Variants in ADCY2 observed in about 807,000 individuals in gnomAD.
ADCY2 encodes the protein adenylate cyclase type 2.
ADCY2 carries 31 observed loss-of-function variants against 125.2 expected under a neutral mutation model. That is an observed-to-expected ratio of 0.25 (90% confidence interval 0.19 to 0.33). The LOEUF (loss-of-function observed/expected upper bound fraction) is 0.33, where lower values mean the gene tolerates loss of function less well. Ranked by LOEUF, ADCY2 falls within the 10% of genes least tolerant of loss-of-function variation. The pLI, the probability that ADCY2 is intolerant of heterozygous loss-of-function variation, is 1.00. For synonymous variants in ADCY2, 512 were observed against 548.4 expected (o/e 0.93, Z 0.93); for missense variants, 904 against 1,418.2 (o/e 0.64, Z 5.82).
intron 3 of ADCY2, among the ~76,000 whole-genome samples, chr5:7,563,370 A>T (rs560997719): frequency 6.6e-6 from 1 of 152,298 alleles, no homozygotes; most frequent in Non-Finnish European, 1.5e-5. Context: ...AAAGCTGCTG[A>T]TCATACCCTG....
intron 2 of ADCY2, among the ~76,000 whole-genome samples, chr5:7,443,562 C>T (rs1405803303): frequency 7.3e-6 from 1 of 136,212 alleles, no homozygotes; most frequent in Non-Finnish European, 1.5e-5. Flanking sequence ...ATGGCGTGAA[C>T]CCAGGAGGCA....
chr5:7,692,467 A>G (rs765656629), intron 5 of ADCY2, among the ~76,000 whole-genome samples: 6 of 152,238 alleles, frequency 3.9e-5, no homozygotes, highest in Admixed American at 1.3e-4. Flanking sequence ...ACATTTAAAG[A>G]AAGTTCACAC....
chr5:7,698,786 G>A (rs920124338), intron 7 of ADCY2, among the ~76,000 whole-genome samples: 6 of 152,246 alleles, frequency 3.9e-5, no homozygotes, highest in Non-Finnish European at 5.9e-5. Context: ...CCAGTCTATC[G>A]TTGGTGGACT....
At chr5:7,761,147 TC>T (rs1481363015) in intron 16 of ADCY2, among the ~76,000 whole-genome samples, 315 of 56,662 alleles carry the variant, frequency 5.6e-3, no homozygotes, top group Non-Finnish European at 9.0e-3. Flanking sequence ...TCTTTTCTTT[TC>T]TTTTTTTTTT....
chr5:7,611,712 G>T (rs763753724), intron 3 of ADCY2, among the ~76,000 whole-genome samples: 1 of 152,102 alleles, frequency 6.6e-6, no homozygotes, highest in Admixed American at 6.5e-5. Context: ...AGGGTTGGGG[G>T]TTTATCTCTT....
At chr5:7,627,554 G>C (rs1057468114) in intron 4 of ADCY2, among the ~76,000 whole-genome samples, 15 of 152,176 alleles carry the variant, frequency 9.9e-5, no homozygotes, top group African/African-American at 3.4e-4. Context: ...CCCCCTCCCT[G>C]TGGGCCTTCA....
intron 2 of ADCY2, among the ~76,000 whole-genome samples, chr5:7,483,484 A>T (rs1742812282): frequency 6.6e-6 from 1 of 152,228 alleles, no homozygotes; most frequent in Admixed American, 6.5e-5. Context: ...CAGAGTACTG[A>T]AAACATTTCA....
At chr5:7,397,473 T>TC (rs1313482396) in intron 1 of ADCY2, among the ~76,000 whole-genome samples, 252 of 148,084 alleles carry the variant, frequency 1.7e-3, no homozygotes, top group Non-Finnish European at 3.1e-3. Context: ...TTTTTTTTTT[T>TC]AGTCAGTGGT....
intron 7 of ADCY2, among the ~76,000 whole-genome samples, chr5:7,705,620 G>A (rs561685905): frequency 6.6e-6 from 1 of 152,238 alleles, no homozygotes. Flanking sequence ...CAGAGGGGTG[G>A]GGGTGGGTCT....
chr5:7,757,878 AG>A (rs1363989613), intron 16 of ADCY2, among the ~76,000 whole-genome samples: 1 of 152,184 alleles, frequency 6.6e-6, no homozygotes, highest in Non-Finnish European at 1.5e-5. Context: ...CTCTAAGGAA[AG>A]GGGTGCTTTC....
intron 3 of ADCY2, among the ~76,000 whole-genome samples, chr5:7,573,738 T>C (rs994914081): frequency 1.3e-5 from 2 of 151,660 alleles, no homozygotes; most frequent in Non-Finnish European, 2.9e-5. Flanking sequence ...AACTCTTTTT[T>C]TTGTTTGTTT....
At chr5:7,403,977 A>ACACACAC (rs1156535290) in intron 1 of ADCY2, among the ~76,000 whole-genome samples, 4 of 122,410 alleles carry the variant, frequency 3.3e-5, no homozygotes, top group Non-Finnish European at 7.5e-5. Context: ...CACACACACA[A>ACACACAC]AATTACTAAA....
chr5:7,807,294 T>G (rs1744786630), intron 22 of ADCY2, among the ~76,000 whole-genome samples: 1 of 152,180 alleles, frequency 6.6e-6, no homozygotes, highest in Non-Finnish European at 1.5e-5. Context: ...CTTTATAGAC[T>G]GAGAGTCCAT....
intron 2 of ADCY2, among the ~76,000 whole-genome samples, chr5:7,481,992 G>A (rs915774684): frequency 5.9e-5 from 9 of 152,108 alleles, no homozygotes; most frequent in Non-Finnish European, 1.0e-4. Flanking sequence ...AATTACTATA[G>A]GAAGTTAGTT....
intron 2 of ADCY2, among the ~76,000 whole-genome samples, chr5:7,455,252 G>T (rs1413439233): frequency 2.0e-5 from 3 of 152,168 alleles, no homozygotes; most frequent in Non-Finnish European, 4.4e-5. Flanking sequence ...TGTCACTGTT[G>T]ATATTTTGTT....
intron 3 of ADCY2, among the ~76,000 whole-genome samples, chr5:7,555,852 G>GCA (rs1491359535): frequency 0.021 from 2,713 of 127,468 alleles, 83 homozygotes; most frequent in African/African-American, 0.073. Flanking sequence ...ACACATGTGA[G>GCA]CGCACACACA....
intron 2 of ADCY2, among the ~76,000 whole-genome samples, chr5:7,457,765 C>T (rs552303634): frequency 2.0e-5 from 3 of 152,290 alleles, no homozygotes; most frequent in African/African-American, 7.2e-5. Flanking sequence ...GGGACCAAAA[C>T]GCTTCCTCAT....
intron 7 of ADCY2, among the ~76,000 whole-genome samples, chr5:7,702,872 C>T (rs891090047): frequency 1.6e-4 from 24 of 152,196 alleles, no homozygotes; most frequent in African/African-American, 4.8e-4. Flanking sequence ...TATTTCTCCA[C>T]GTCCTCTCCA....
At chr5:7,543,170 C>T (rs1438796794) in intron 3 of ADCY2, among the ~76,000 whole-genome samples, 1 of 152,110 alleles carries the variant, frequency 6.6e-6, no homozygotes, top group Non-Finnish European at 1.5e-5. Flanking sequence ...CAAACACATA[C>T]AACACGTATG....
Sources: allele counts gnomAD v4.1 joint callset (sites outside exome capture counted in the v4.1 genomes callset), GRCh38; gene constraint gnomAD v4.1.1; transcripts MANE v1.5; gene names NCBI Gene and HGNC (gene_info 2026-07-23, HGNC 2026-07-21).